CACNA1C: variants seen among roughly 807,000 people sequenced by gnomAD.
CACNA1C encodes the protein calcium voltage-gated channel subunit alpha1 C, also known as voltage-dependent L-type calcium channel subunit alpha-1C.
A neutral mutation model predicts 229.0 loss-of-function variants in CACNA1C; 30 were observed. The ratio of observed to expected loss-of-function variants is 0.13; its 90% CI spans 0.10 to 0.18. The LOEUF (loss-of-function observed/expected upper bound fraction) is 0.18. CACNA1C is among the 10% of genes least tolerant of loss of function. The pLI, the probability that CACNA1C is intolerant of heterozygous loss-of-function variation, is 1.00. For missense variants in CACNA1C, 1,658 were observed against 2,845.0 expected (o/e 0.58, Z 9.49); for synonymous variants, 1,114 against 1,132.5 (o/e 0.98, Z 0.33).
Position 2,064,235 on chromosome 12 carries a change from G to A in CACNA1C, c.49+10624G>A, listed in dbSNP as rs551007094. Reference sequence around the variant, plus strand: ...TTCACCTCGTTGCTGACCTGGCTTCGTAACTCAACAGGAAATTGGTGTTTG... The same window carrying A: ...TTCACCTCGTTGCTGACCTGGCTTCATAACTCAACAGGAAATTGGTGTTTG... On this transcript the variant is annotated intron_variant, in intron 1 of 46. Coordinates refer to ENST00000399655, the MANE Select transcript of CACNA1C (RefSeq NM_000719.7). Among the ~76,000 whole-genome samples, 8 of 152,312 alleles carry A rather than the reference G, an allele frequency of 5.3e-5. No individual in the cohort carries two copies. The East Asian group carries it at 9.6e-4, about 18-fold the overall frequency.
intron 3 of CACNA1C, among the ~76,000 whole-genome samples, chr12:2,278,216 A>G (rs147352322): frequency 0.011 from 1,688 of 152,338 alleles, 28 homozygotes; most frequent in African/African-American, 0.039. Context: ...CATACATAAG[A>G]TTCACCCACT....
intron 3 of CACNA1C, among the ~76,000 whole-genome samples, chr12:2,147,132 A>G (rs1006363740): frequency 5.3e-5 from 8 of 151,364 alleles, no homozygotes; most frequent in Admixed American, 4.0e-4. Context: ...AGGGATTTCT[A>G]GGGAAATTAC....
chr12:2,256,187 T>G (rs915362730), intron 3 of CACNA1C, among the ~76,000 whole-genome samples: 1 of 152,136 alleles, frequency 6.6e-6, no homozygotes, highest in Non-Finnish European at 1.5e-5. Context: ...AGCTACTAGA[T>G]CAGACTACCT....
At chr12:2,538,343 G>C (rs2099860836) in intron 9 of CACNA1C, among the ~76,000 whole-genome samples, 1 of 152,196 alleles carries the variant, frequency 6.6e-6, no homozygotes, top group Admixed American at 6.5e-5. Flanking sequence ...GCTGGGCCTG[G>C]GCTGGCAGGA....
At chr12:2,264,806 T>C (rs1274336793) in intron 3 of CACNA1C, among the ~76,000 whole-genome samples, 1 of 152,220 alleles carries the variant, frequency 6.6e-6, no homozygotes, top group Non-Finnish European at 1.5e-5. Context: ...TTGGCTTTGC[T>C]ATTCCCCATG....
At chr12:2,003,560 C>T (rs1435358262) in intron 1 of CACNA1C, among the ~76,000 whole-genome samples, 1 of 152,168 alleles carries the variant, frequency 6.6e-6, no homozygotes, top group Non-Finnish European at 1.5e-5. Context: ...GCTTCTACCC[C>T]ATTCTAACTA....
Position 2,585,339 on chromosome 12 carries a change from A to C in CACNA1C, c.2340-37A>C. The C allele has an allele frequency of 6.3e-7, 1 of 1,599,400 alleles. No individual in the cohort carries two copies. The highest frequency in any genetic ancestry group is 8.5e-7 in the Non-Finnish European group (1 of 1,172,912). On this transcript the variant is annotated intron_variant, in intron 16 of 46. Coordinates refer to ENST00000399655, the MANE Select transcript of CACNA1C (RefSeq NM_000719.7). The surrounding 1 kb of genome is among the most constrained non-coding windows in gnomAD (Gnocchi z 4.1). ...TACACTGTTCCCTATCACTCCAGTA[A>C]ACAGCCATTTATTTTTTTCTGCTGC...
chr12:1,982,959 G>C (rs1005752208), intron 1 of CACNA1C, among the ~76,000 whole-genome samples: 6 of 151,720 alleles, frequency 4.0e-5, no homozygotes, highest in African/African-American at 1.5e-4. Context: ...CCTTATTATG[G>C]GACTATTCAG....
intron 11 of CACNA1C, among the ~76,000 whole-genome samples, chr12:2,564,573 C>G (rs1057483746): frequency 2.0e-5 from 3 of 152,164 alleles, no homozygotes; most frequent in African/African-American, 7.2e-5. Context: ...GCTAAGCACC[C>G]CATTTTTCTC....
At position 2,140,256 on chromosome 12, in the gene CACNA1C, G is replaced by A. The variant is rs775825372; in HGVS notation, c.477+19826G>A. On this transcript the variant is annotated intron_variant, in intron 3 of 46. Coordinates refer to ENST00000399655, the MANE Select transcript of CACNA1C (RefSeq NM_000719.7). ...TGGGTGGACGATTTGCAGAATGGTC[G>A]GAGACCCTCCAGCAAGAGGATCCAT... 5.3e-5 allele frequency among the ~76,000 whole-genome samples: 8 copies of A among 151,354 alleles called. 1 individual carries two copies. Among genetic ancestry groups the A allele is most frequent in the Admixed American group, 2.0e-4 (3 of 15,086 alleles).
chr12:1,983,786 T>C (rs2036843506), intron 1 of CACNA1C, among the ~76,000 whole-genome samples: 1 of 152,064 alleles, frequency 6.6e-6, no homozygotes, highest in East Asian at 1.9e-4. Flanking sequence ...TTTTCTGTCC[T>C]CTTGCTCTAT....
intron 42 of CACNA1C, among the ~76,000 whole-genome samples, chr12:2,681,330 CA>C (rs1002419692): frequency 1.3e-5 from 2 of 152,242 alleles, no homozygotes; most frequent in African/African-American, 4.8e-5. Context: ...GCCCAGCACA[CA>C]GTCGGTGCTC....
chr12:2,060,219 G>A (rs1277828254), intron 1 of CACNA1C, among the ~76,000 whole-genome samples: 3 of 152,110 alleles, frequency 2.0e-5, no homozygotes, highest in African/African-American at 4.8e-5. Flanking sequence ...ATGGGAAGCC[G>A]GGCTGTGCTG....
rs528566905 is a variant in CACNA1C, at chr12:2,158,971, A to G, written c.477+38541A>G. 8.5e-5 allele frequency among the ~76,000 whole-genome samples: 13 copies of G among 152,310 alleles called. No homozygotes were observed. The East Asian group carries it at 2.3e-3, about 27-fold the overall frequency. On this transcript the variant is annotated intron_variant, in intron 3 of 46. Transcript: ENST00000399655. ...ACAAAACTATTGCAGAGGATAGGGA[A>G]GAGGTGAAAGAGGGCTAAACCCTTA...
intron 3 of CACNA1C, among the ~76,000 whole-genome samples, chr12:2,444,479 T>G (rs2099258824): frequency 6.6e-6 from 1 of 152,138 alleles, no homozygotes; most frequent in Non-Finnish European, 1.5e-5. Context: ...TGTTCCGTAC[T>G]GATTTGGAGC....
At chr12:2,227,339 T>C (rs79626085) in intron 3 of CACNA1C, among the ~76,000 whole-genome samples, 3,373 of 152,320 alleles carry the variant, frequency 0.022, 81 homozygotes, top group African/African-American at 0.056. Flanking sequence ...CTTCATTCTG[T>C]TGATTCAGAG....
At chr12:2,591,343 A>C (rs2065214960) in intron 18 of CACNA1C, among the ~76,000 whole-genome samples, 1 of 152,004 alleles carries the variant, frequency 6.6e-6, no homozygotes. Flanking sequence ...TATCCCCTTC[A>C]CCTTCATCTT....
chr12:2,221,184 G>C (rs947890351), intron 3 of CACNA1C, among the ~76,000 whole-genome samples: 6 of 152,226 alleles, frequency 3.9e-5, no homozygotes, highest in African/African-American at 1.4e-4. Context: ...CACAGTGAAT[G>C]ACCAGGCGGG....
intron 3 of CACNA1C, among the ~76,000 whole-genome samples, chr12:2,321,740 G>A (rs966409348): frequency 1.3e-5 from 2 of 152,202 alleles, no homozygotes; most frequent in African/African-American, 4.8e-5. Context: ...ACTTGAATGA[G>A]GATGAAGTCC....
Sources: gnomAD v4.1 joint callset for allele counts (sites outside exome capture counted in the v4.1 genomes callset) on GRCh38, gnomAD v4.1.1 for gene constraint, Gnocchi (gnomAD v3.1) non-coding constraint, MANE v1.5 for transcripts, NCBI Gene and HGNC (gene_info 2026-07-23, HGNC 2026-07-21) for gene names.